PIK3CB: variants seen among roughly 807,000 people sequenced by gnomAD.
The protein encoded by PIK3CB is phosphatidylinositol 4,5-bisphosphate 3-kinase catalytic subunit beta isoform.
Under a neutral mutation model 136.8 loss-of-function variants are expected in PIK3CB, and 39 were observed. The ratio of observed to expected loss-of-function variants is 0.29; its 90% CI spans 0.22 to 0.37. The LOEUF is 0.37. Among genes scored for constraint, PIK3CB ranks in the 10% least tolerant of loss-of-function variants. PIK3CB has a pLI of 1.00. For missense variants in PIK3CB, 868 were observed against 1,275.4 expected (o/e 0.68, Z 4.87); for synonymous variants, 428 against 436.6 (o/e 0.98, Z 0.25).
chr3:138,794,403 C>T (rs536562263), intron 2 of PIK3CB, among the ~76,000 whole-genome samples: 6 of 152,214 alleles, frequency 3.9e-5, no homozygotes, highest in African/African-American at 1.2e-4. Flanking sequence ...AGACCAGAGA[C>T]GGTGGAGAAA....
At chr3:138,813,276 A>G (rs1236128404) in intron 1 of PIK3CB, among the ~76,000 whole-genome samples, 3 of 152,088 alleles carry the variant, frequency 2.0e-5, no homozygotes, top group Non-Finnish European at 4.4e-5. Flanking sequence ...ACTATGGTTC[A>G]CCCAGAGAGT....
intron 5 of PIK3CB, among the ~76,000 whole-genome samples, chr3:138,740,475 A>G (rs1445205069): frequency 6.6e-6 from 1 of 152,204 alleles, no homozygotes; most frequent in Non-Finnish European, 1.5e-5. Context: ...AGACTAAGAC[A>G]GTGTCACACA....
Position 138,822,836 on chromosome 3 carries a change from A to AT in PIK3CB, c.-122+11858_-122+11859insA, listed in dbSNP as rs1472295082. On this transcript the variant is annotated intron_variant, in intron 1 of 23. Coordinates refer to ENST00000674063, the MANE Select transcript of PIK3CB (RefSeq NM_006219.3). ...ATATATATATGAAATATATATACAA[A>AT]ATATATATACATGAAATATATATAC... Among the ~76,000 whole-genome samples the AT allele has an allele frequency of 1.7e-4, 25 of 148,228 alleles. No homozygotes were observed. The Admixed American group carries it at 1.7e-3, about 10-fold the overall frequency.
At chr3:138,760,359 C>T (rs1328391201) in intron 2 of PIK3CB, among the ~76,000 whole-genome samples, 2 of 152,104 alleles carry the variant, frequency 1.3e-5, no homozygotes, top group East Asian at 1.9e-4. Flanking sequence ...CTCTACAGCC[C>T]GAGACTGGTA....
chr3:138,683,185 T>C (rs1038512949), intron 18 of PIK3CB, among the ~76,000 whole-genome samples: 11 of 151,944 alleles, frequency 7.2e-5, no homozygotes, highest in African/African-American at 2.7e-4. Flanking sequence ...AAACCCCATC[T>C]TTACAAAAAA....
intron 19 of PIK3CB, among the ~76,000 whole-genome samples, chr3:138,679,111 C>T (rs897521991): frequency 7.2e-5 from 11 of 151,798 alleles, no homozygotes; most frequent in Admixed American, 7.2e-4. Context: ...AATATAAGAT[C>T]AAGATAAACA....
At chr3:138,767,193 A>C (rs1372964152) in intron 2 of PIK3CB, among the ~76,000 whole-genome samples, 1 of 152,146 alleles carries the variant, frequency 6.6e-6, no homozygotes, top group Non-Finnish European at 1.5e-5. Context: ...AACCAAAAAC[A>C]AAAACAAAAA....
At chr3:138,703,381 CCA>C (rs1377878666) in intron 12 of PIK3CB, among the ~76,000 whole-genome samples, 1 of 152,156 alleles carries the variant, frequency 6.6e-6, no homozygotes, top group Non-Finnish European at 1.5e-5. Flanking sequence ...CACATTGTCT[CCA>C]GTTTGCCTCC....
At chr3:138,810,134 T>C (rs1932948932) in intron 1 of PIK3CB, among the ~76,000 whole-genome samples, 1 of 152,168 alleles carries the variant, frequency 6.6e-6, no homozygotes, top group African/African-American at 2.4e-5. Flanking sequence ...AGTAATAAAG[T>C]ATTGGATTAT....
At chr3:138,691,167 G>A (rs2108506554) in intron 14 of PIK3CB, 24 bp from the exon 15 acceptor site, 2 of 1,604,718 alleles carry the variant, frequency 1.2e-6, no homozygotes, top group Non-Finnish European at 1.7e-6. Flanking sequence ...AAGACACAGT[G>A]AGTAACCAAA....
chr3:138,741,463 T>C (rs747935804), intron 5 of PIK3CB, among the ~76,000 whole-genome samples: 3 of 152,226 alleles, frequency 2.0e-5, no homozygotes, highest in Non-Finnish European at 2.9e-5. Context: ...TGTTAAGTCA[T>C]TGAGCACTTA....
At chr3:138,819,642 T>C (rs921378099) in intron 1 of PIK3CB, among the ~76,000 whole-genome samples, 2 of 152,162 alleles carry the variant, frequency 1.3e-5, no homozygotes, top group Admixed American at 6.6e-5. Context: ...GATTTTTATA[T>C]AATTCGTATG....
At chr3:138,832,361 G>T (rs940122249) in intron 1 of PIK3CB, among the ~76,000 whole-genome samples, 1 of 152,042 alleles carries the variant, frequency 6.6e-6, no homozygotes, top group African/African-American at 2.4e-5. Flanking sequence ...AAGTCATTTT[G>T]GCTTTAGTGA....
intron 2 of PIK3CB, among the ~76,000 whole-genome samples, chr3:138,786,190 G>A (rs1345642382): frequency 6.6e-6 from 1 of 152,140 alleles, no homozygotes; most frequent in Non-Finnish European, 1.5e-5. Context: ...TCTCCTGGGT[G>A]CTCAGAAGCA....
chr3:138,708,025 ATC>A (rs2044413807), intron 10 of PIK3CB, among the ~76,000 whole-genome samples: 1 of 152,046 alleles, frequency 6.6e-6, no homozygotes. Flanking sequence ...ACAATCTAAG[ATC>A]CTCTCTCTCC....
Position 138,755,803 on chromosome 3 carries a change from A to G in PIK3CB, c.348T>C (p.Cys116=). 1 of 1,612,790 alleles carries G rather than the reference A, an allele frequency of 6.2e-7. No individual in the cohort carries two copies. Among genetic ancestry groups the G allele is most frequent in the Non-Finnish European group, 8.5e-7 (1 of 1,179,088 alleles). ...LPVLKLVTRS[C]DPGEKLDSKI... Reference sequence around the variant, plus strand: ...TTGAGTCTAATTTTTCCCCTGGGTCACAACTTCTTGTCACTAATTTGAGAA... The same window carrying G: ...TTGAGTCTAATTTTTCCCCTGGGTCGCAACTTCTTGTCACTAATTTGAGAA... Residue 116 remains cysteine, a synonymous_variant, in exon 4 of 24, where the codon TGT becomes TGC. Coordinates refer to ENST00000674063, the MANE Select transcript of PIK3CB (RefSeq NM_006219.3).
intron 20 of PIK3CB, 36 bp downstream of exon 20, chr3:138,665,000 G>C (rs1489888103): frequency 6.8e-7 from 1 of 1,466,850 alleles, no homozygotes; most frequent in Admixed American, 1.9e-5. Context: ...TTGGCTGTTT[G>C]TACAGAAAAA....
intron 2 of PIK3CB, among the ~76,000 whole-genome samples, chr3:138,784,203 T>C (rs148302616): frequency 0.044 from 6,741 of 152,192 alleles, 492 homozygotes; most frequent in African/African-American, 0.15. Context: ...CTGACCAACA[T>C]GGTGAAACCC....
intron 1 of PIK3CB, among the ~76,000 whole-genome samples, chr3:138,805,785 A>G (rs2046227600): frequency 6.6e-6 from 1 of 151,770 alleles, no homozygotes; most frequent in Middle Eastern, 3.4e-3. Flanking sequence ...GCTGGAGTGC[A>G]GTGGCGCAAT....
Sources: gnomAD v4.1 joint callset for allele counts (sites outside exome capture counted in the v4.1 genomes callset) on GRCh38, gnomAD v4.1.1 for gene constraint, MANE v1.5 for transcripts, NCBI Gene and HGNC (gene_info 2026-07-23, HGNC 2026-07-21) for gene names.